Variants in FIG4 observed in about 807,000 individuals in gnomAD.
FIG4 encodes the protein FIG4 phosphoinositide 5-phosphatase.
FIG4 carries 112 observed loss-of-function variants against 118.6 expected under a neutral mutation model. The observed-to-expected ratio is 0.94, with a 90% CI of 0.81 to 1.11. The LOEUF (loss-of-function observed/expected upper bound fraction) is 1.11, where lower values mean the gene tolerates loss of function less well. FIG4 is among the 50% of genes least tolerant of loss of function. The pLI is 0.00. For missense variants in FIG4, 969 were observed against 1,111.7 expected (o/e 0.87, Z 1.83); for synonymous variants, 369 against 381.2 (o/e 0.97, Z 0.37).
chr6:109,702,215 GT>G (rs1774929588), intron 1 of FIG4, among the ~76,000 whole-genome samples: 5 of 152,318 alleles, frequency 3.3e-5, no homozygotes, highest in Admixed American at 2.6e-4. Flanking sequence ...TGAAAAGTGA[GT>G]GATTAATTAG....
At chr6:109,758,154 A>G (rs1289065896) in intron 10 of FIG4, among the ~76,000 whole-genome samples, 1 of 152,210 alleles carries the variant, frequency 6.6e-6, no homozygotes, top group East Asian at 1.9e-4. Flanking sequence ...AGCCAAGACA[A>G]TCCTAAGCAA....
chr6:109,791,844 G>T (rs1778146895), intron 20 of FIG4, among the ~76,000 whole-genome samples: 1 of 152,126 alleles, frequency 6.6e-6, no homozygotes, highest in African/African-American at 2.4e-5. Context: ...CAGCCCATCC[G>T]CTTGAGGTCC....
intron 22 of FIG4, among the ~76,000 whole-genome samples, chr6:109,817,980 C>T (rs569833337): frequency 6.6e-6 from 1 of 152,316 alleles, no homozygotes; most frequent in African/African-American, 2.4e-5. Context: ...GACCCTAGAC[C>T]AAACTTCCAC....
chr6:109,801,222 C>A (rs958204453), intron 22 of FIG4, among the ~76,000 whole-genome samples: 1 of 152,076 alleles, frequency 6.6e-6, no homozygotes, highest in African/African-American at 2.4e-5. Flanking sequence ...ATTCTTCCAG[C>A]GCAGGATAAG....
At chr6:109,718,640 T>C (rs1775509606) in intron 3 of FIG4, among the ~76,000 whole-genome samples, 1 of 152,154 alleles carries the variant, frequency 6.6e-6, no homozygotes, top group Admixed American at 6.5e-5. Context: ...TCCTCAGGCC[T>C]GGCCCCTTTT....
intron 20 of FIG4, 129 bp from the exon 21 acceptor site, chr6:109,792,453 A>T (rs1448197238): frequency 1.6e-6 from 1 of 642,194 alleles, no homozygotes; most frequent in East Asian, 2.8e-5. Flanking sequence ...AAGTTTAATG[A>T]ACAGGTTAAA....
In FIG4 at chr6:109,735,280, A is replaced by G. The variant is rs1470187983; in HGVS notation, c.628A>G (p.Ile210Val). 1 of 1,613,592 alleles carries G rather than the reference A, an allele frequency of 6.2e-7. No individual in the cohort carries two copies. The highest frequency in any genetic ancestry group is 2.2e-5 in the East Asian group (1 of 44,856). Reference sequence around the variant, plus strand: ...TGACATCTTTGAAGATGAAGGATTAATTACACAAGGTGGAAGCGGTAGGTG... The same window carrying G: ...TGACATCTTTGAAGATGAAGGATTAGTTACACAAGGTGGAAGCGGTAGGTG... ...SFDIFEDEGLITQGGSGVFGI... is the reference protein window; with the variant it reads ...SFDIFEDEGLVTQGGSGVFGI... The change falls in exon 6 of 23, where the codon ATT (isoleucine) becomes GTT (valine). Residue 210 changes from isoleucine to valine, a missense_variant. Around this residue, in one of 3 missense-constraint regions of FIG4, gnomAD observed 393 missense variants for 409.4 expected, o/e 0.96. Transcript: ENST00000230124.
At chr6:109,755,788 G>T (rs1776872733) in intron 10 of FIG4, among the ~76,000 whole-genome samples, 1 of 152,026 alleles carries the variant, frequency 6.6e-6, no homozygotes, top group Non-Finnish European at 1.5e-5. Context: ...CCATTTGCTT[G>T]GTAGATCTTC....
At chr6:109,823,040 A>C (rs1779057143) in intron 22 of FIG4, among the ~76,000 whole-genome samples, 1 of 151,932 alleles carries the variant, frequency 6.6e-6, no homozygotes, top group Non-Finnish European at 1.5e-5. Flanking sequence ...AAATGCATAC[A>C]TTTCTTTAAT....
intron 4 of FIG4, 55 bp downstream of exon 4, chr6:109,727,320 G>A (rs982094703): frequency 1.8e-5 from 26 of 1,431,314 alleles, no homozygotes; most frequent in Non-Finnish European, 2.6e-5. Context: ...TTGCCCTGTT[G>A]CCCAGGCTGG....
intron 22 of FIG4, among the ~76,000 whole-genome samples, chr6:109,816,705 C>T (rs750727089): frequency 2.4e-4 from 37 of 151,826 alleles, no homozygotes; most frequent in African/African-American, 6.8e-4. Flanking sequence ...GTCCTCTGCA[C>T]GATAATTCTG....
Position 109,735,197 on chromosome 6 carries a change from T to C in FIG4, c.545T>C (p.Leu182Ser). The change falls in exon 6 of 23, where the codon TTG (leucine) becomes TCG (serine). Residue 182 changes from leucine (L) to serine (S), a missense_variant. By Grantham distance (145) the Leu-to-Ser change is moderately radical. Transcript: ENST00000230124. ...SHSLQYNLTV[L>S]RMPLEMLKSE... ...TCACTTCAATATAATCTCACTGTCTTGCGAATGCCCCTGGAGATGTTAAAG... is the reference window on the plus strand; with the variant it reads ...TCACTTCAATATAATCTCACTGTCTCGCGAATGCCCCTGGAGATGTTAAAG... 11 of 1,612,902 alleles carry C rather than the reference T, an allele frequency of 6.8e-6. No individual in the cohort carries two copies. Among genetic ancestry groups the C allele is most frequent in the Non-Finnish European group, 9.3e-6 (11 of 1,179,040 alleles).
rs201642753 is a variant in FIG4, at chr6:109,727,268, A to G, written c.446+3A>G. 1.3e-6 allele frequency: 2 copies of G among 1,595,022 alleles called. No homozygotes were observed. Among genetic ancestry groups the G allele is most frequent in the Non-Finnish European group, 1.7e-6 (2 of 1,171,186 alleles). Reference sequence around the variant, plus strand: ...GTTACTCATCCTGATGAAGCTAGGTATGTATGGTGGTAACTACCTTTTTTT... The same window carrying G: ...GTTACTCATCCTGATGAAGCTAGGTGTGTATGGTGGTAACTACCTTTTTTT... On this transcript the variant is annotated splice_donor_region_variant and intron_variant, in intron 4 of 22. Coordinates refer to ENST00000230124, the MANE Select transcript of FIG4 (RefSeq NM_014845.6).
intron 18 of FIG4, among the ~76,000 whole-genome samples, chr6:109,788,208 A>T (rs962600610): frequency 2.0e-5 from 3 of 152,196 alleles, no homozygotes; most frequent in African/African-American, 7.2e-5. Flanking sequence ...TTCTAAGTTG[A>T]GGAGCATCTG....
In FIG4 at chr6:109,701,043, A is replaced by G. The variant is rs78726006; in HGVS notation, c.66+9542A>G. On this transcript the variant is annotated intron_variant, in intron 1 of 22. Coordinates refer to ENST00000230124, the MANE Select transcript of FIG4 (RefSeq NM_014845.6). ...ACAAGATGGGCTGTCTCTTGTCCTG[A>G]GCCTTCATTTAGAAATATAATTGGG... Among the ~76,000 whole-genome samples the G allele has an allele frequency of 7.0e-3, 1,067 of 152,280 alleles. 10 individuals are homozygous for G. Among genetic ancestry groups the G allele is most frequent in the African/African-American group, 0.024 (1,017 of 41,556 alleles).
intron 22 of FIG4, among the ~76,000 whole-genome samples, chr6:109,813,529 G>A (rs567368976): frequency 5.2e-4 from 79 of 152,210 alleles, no homozygotes; most frequent in African/African-American, 9.9e-4. Flanking sequence ...ACCTTGACAC[G>A]TTGAAGAATG....
intron 1 of FIG4, among the ~76,000 whole-genome samples, chr6:109,704,675 C>CAAAAAA (rs36013882): frequency 8.9e-5 from 6 of 67,784 alleles, no homozygotes; most frequent in Non-Finnish European, 1.6e-4. Context: ...GACTCCATCT[C>CAAAAAA]AAAAAAAAAA....
chr6:109,710,006 A>G (rs1775208495), intron 1 of FIG4, among the ~76,000 whole-genome samples: 1 of 152,198 alleles, frequency 6.6e-6, no homozygotes, highest in African/African-American at 2.4e-5. Flanking sequence ...ATTGAATAGG[A>G]GTGTTGAGAG....
intron 12 of FIG4, among the ~76,000 whole-genome samples, chr6:109,762,817 G>A (rs866047627): frequency 6.6e-6 from 1 of 151,962 alleles, no homozygotes; most frequent in Non-Finnish European, 1.5e-5. Flanking sequence ...CCCATGACAG[G>A]GGTCCCCCAA....
Sources: gnomAD v4.1 joint callset for allele counts (sites outside exome capture counted in the v4.1 genomes callset) on GRCh38, gnomAD v4.1.1 for gene constraint, gnomAD v4.1.1 regional missense constraint, MANE v1.5 for transcripts, NCBI Gene and HGNC (gene_info 2026-07-23, HGNC 2026-07-21) for gene names.